Variants in RGS12 observed in about 807,000 individuals in gnomAD.
RGS12 encodes the protein regulator of G protein signaling 12, also known as regulator of G-protein signaling 12.
RGS12 carries 66 observed loss-of-function variants against 120.1 expected under a neutral mutation model. The observed-to-expected ratio is 0.55, with a 90% CI of 0.45 to 0.67. RGS12 has a LOEUF of 0.67. Among genes scored for constraint, RGS12 ranks in the 30% least tolerant of loss-of-function variants. RGS12 has a pLI of 0.00. For synonymous variants in RGS12, 827 were observed against 804.7 expected (o/e 1.03, Z -0.47); for missense variants, 1,859 against 1,957.7 (o/e 0.95, Z 0.95).
chr4:3,415,068 CGT>C (rs1222052463), intron 6 of RGS12, among the ~76,000 whole-genome samples: 5 of 74,160 alleles, frequency 6.7e-5, no homozygotes, highest in Admixed American at 1.5e-4. Context: ...GTGTGAGGGG[CGT>C]GTGAGGTCGC....
Position 3,414,264 on chromosome 4 carries a change from G to T in RGS12, c.2190+23G>T, listed in dbSNP as rs758558884. ...TCTGTGAGTAGGGAAGGGCCCAGGA[G>T]CAGCGGAGCGGTCTGTGCTCTGCAG... On this transcript the variant is annotated intron_variant, in intron 5 of 17. Coordinates refer to ENST00000336727, the MANE Select transcript of RGS12 (RefSeq NM_001394154.1). 1.2e-5 allele frequency: 19 copies of T among 1,521,368 alleles called. No homozygotes were observed. The Admixed American group carries it at 3.0e-4, about 24-fold the overall frequency. 94.2% of individuals were successfully genotyped at this position (1,521,368 alleles called of 1,614,324 possible).
chr4:3,417,103 C>A lies in RGS12; in HGVS notation c.2607+11C>A. ...TCCACGCCAAAAAAGGTGACCTCCC[C>A]GAGGCTGGCCTCACGCCCCTGTGGG... On this transcript the variant is annotated intron_variant, in intron 8 of 17. Transcript: ENST00000336727. 1 of 1,585,596 alleles carries A rather than the reference C, an allele frequency of 6.3e-7. No homozygotes were observed. Among genetic ancestry groups the A allele is most frequent in the Non-Finnish European group, 8.6e-7 (1 of 1,160,312 alleles).
intron 2 of RGS12, among the ~76,000 whole-genome samples, chr4:3,334,840 G>A (rs1013431746): frequency 6.6e-6 from 1 of 152,162 alleles, no homozygotes; most frequent in Non-Finnish European, 1.5e-5. Flanking sequence ...AGATCAGGCA[G>A]ATGCGGGTCA....
At chr4:3,376,062 ATGGCCCCTACTGC>A (rs2108917316) in intron 3 of RGS12, among the ~76,000 whole-genome samples, 1 of 152,338 alleles carries the variant, frequency 6.6e-6, no homozygotes, top group East Asian at 1.9e-4. Context: ...CCAAAGTCAG[ATGGCCCCTACTGC>A]TGTCCCAGGA....
At chr4:3,340,293 C>T (rs1046623909) in intron 2 of RGS12, among the ~76,000 whole-genome samples, 7 of 152,248 alleles carry the variant, frequency 4.6e-5, no homozygotes, top group South Asian at 2.1e-4. Context: ...CTGCTGCTGT[C>T]GTCCCATGGC....
intron 12 of RGS12, 129 bp from the exon 13 acceptor site, chr4:3,423,385 TG>T: frequency 2.4e-6 from 3 of 1,243,114 alleles, no homozygotes; most frequent in Non-Finnish European, 2.3e-6. Flanking sequence ...TCTGATCAGC[TG>T]GGGCTGAACT....
chr4:3,369,089 C>G (rs1716695248), intron 3 of RGS12, among the ~76,000 whole-genome samples: 1 of 152,118 alleles, frequency 6.6e-6, no homozygotes, highest in Non-Finnish European at 1.5e-5. Context: ...GGAGGTGGCA[C>G]CCCTTTCAGC....
intron 1 of RGS12, among the ~76,000 whole-genome samples, chr4:3,308,617 C>T (rs1030657930): frequency 2.0e-5 from 3 of 152,228 alleles, no homozygotes; most frequent in African/African-American, 4.8e-5. Flanking sequence ...GGCCCACGCA[C>T]CTGCAGGCTC....
intron 3 of RGS12, among the ~76,000 whole-genome samples, chr4:3,364,869 G>A (rs529920452): frequency 2.5e-4 from 38 of 152,174 alleles, no homozygotes; most frequent in Non-Finnish European, 5.1e-4. Context: ...GCTGCTGCAG[G>A]AGGAAGCTTG....
At chr4:3,293,315 C>CGGGGCGGGGGCG (rs1162053907) in intron 1 of RGS12, among the ~76,000 whole-genome samples, 5 of 136,350 alleles carry the variant, frequency 3.7e-5, no homozygotes, top group African/African-American at 1.4e-4. Flanking sequence ...CGGGGCGGGG[C>CGGGGCGGGGGCG]GGGGCGGGGG....
At chr4:3,395,763 G>C (rs1189002496) in intron 4 of RGS12, among the ~76,000 whole-genome samples, 3 of 151,968 alleles carry the variant, frequency 2.0e-5, no homozygotes, top group African/African-American at 7.3e-5. Context: ...TTTCTGTTAG[G>C]TTATCTGCCT....
intron 17 of RGS12, among the ~76,000 whole-genome samples, chr4:3,438,273 C>G (rs1010711314): frequency 2.6e-5 from 4 of 152,088 alleles, no homozygotes; most frequent in Non-Finnish European, 4.4e-5. Context: ...AGGAAGGGAG[C>G]TCCTGGACCC....
chr4:3,348,391 C>T (rs1714028497), intron 3 of RGS12, among the ~76,000 whole-genome samples: 1 of 152,084 alleles, frequency 6.6e-6, no homozygotes, highest in Non-Finnish European at 1.5e-5. Context: ...GGCCAGTTAC[C>T]AAAAAGGTAA....
intron 15 of RGS12, 32 bp from the exon 16 acceptor site, chr4:3,428,525 GA>G (rs760208320): frequency 1.3e-6 from 2 of 1,544,470 alleles, no homozygotes; most frequent in African/African-American, 2.8e-5. Context: ...GTATTGAAAT[GA>G]AAGTAGAACT....
intron 3 of RGS12, chr4:3,370,219 G>T (rs1480109999): frequency 6.2e-7 from 1 of 1,604,888 alleles, no homozygotes; most frequent in East Asian, 2.2e-5. Context: ...CTGCGGTGTT[G>T]AATGGTGTGT....
intron 3 of RGS12, among the ~76,000 whole-genome samples, chr4:3,345,587 G>A (rs1477439134): frequency 6.6e-6 from 1 of 152,192 alleles, no homozygotes; most frequent in Non-Finnish European, 1.5e-5. Context: ...AGCAACCAGG[G>A]AGGTGTGGAG....
rs530413477 is a variant in RGS12 at position 3,425,651 on chromosome 4, G to A, written c.3331+91G>A. 679 of 723,742 alleles carry A rather than the reference G, an allele frequency of 9.4e-4. 3 individuals carry two copies. Among genetic ancestry groups the A allele is most frequent in the Non-Finnish European group, 1.4e-3 (638 of 462,878 alleles). 44.8% of individuals were successfully genotyped at this position (723,742 alleles called of 1,614,324 possible). A position where few individuals can be genotyped will look rare whatever the true frequency, so the allele number is the denominator to read the frequency against. ...GGAGCCGGTGCAGGGGAGGGGGTGA[G>A]TGGGGCCAGTGCAGGGGAGGGGCAG... is the stretch of plus-strand genomic sequence containing the variant. On this transcript the variant is annotated intron_variant, in intron 14 of 17. Transcript: ENST00000336727.
At chr4:3,326,805 A>G (rs1725578830) in intron 2 of RGS12, among the ~76,000 whole-genome samples, 1 of 152,230 alleles carries the variant, frequency 6.6e-6, no homozygotes, top group Non-Finnish European at 1.5e-5. Flanking sequence ...GATGAGAGAA[A>G]TTGCAGATGA....
intron 17 of RGS12, among the ~76,000 whole-genome samples, chr4:3,434,065 A>T (rs1167523476): frequency 6.6e-6 from 1 of 152,230 alleles, no homozygotes; most frequent in African/African-American, 2.4e-5. Flanking sequence ...TCATGTTGCT[A>T]TGAAGAAATA....
Sources: gnomAD v4.1 joint callset for allele counts (sites outside exome capture counted in the v4.1 genomes callset) on GRCh38, gnomAD v4.1.1 for gene constraint, MANE v1.5 for transcripts, NCBI Gene and HGNC (gene_info 2026-07-23, HGNC 2026-07-21) for gene names.